GOLPH3: variants seen among roughly 807,000 people sequenced by gnomAD.
GOLPH3 encodes coat protein GPP34.
In GOLPH3, 14 loss-of-function variants were observed where a neutral mutation model predicts 28.5. The observed-to-expected ratio is 0.49, with a 90% confidence interval of 0.32 to 0.77. GOLPH3 has a LOEUF of 0.77. Ranked by LOEUF, GOLPH3 falls within the 30% of genes least tolerant of loss-of-function variation. The pLI is 0.03. For missense variants in GOLPH3, 350 were observed against 393.7 expected (o/e 0.89, Z 0.94); for synonymous variants, 158 against 159.2 (o/e 0.99, Z 0.06).
At chr5:32,173,636 G>T (rs1157077085) in intron 1 of GOLPH3, 174 bp downstream of exon 1, 4 of 408,996 alleles carry the variant, frequency 9.8e-6, no homozygotes, top group Middle Eastern at 6.5e-4. Flanking sequence ...GCGCCAGGGG[G>T]TCAACCAACT....
chr5:32,135,928 C>A (rs1745923067), intron 2 of GOLPH3, among the ~76,000 whole-genome samples: 1 of 151,982 alleles, frequency 6.6e-6, no homozygotes, highest in African/African-American at 2.4e-5. Flanking sequence ...TGCCTGAATC[C>A]CAGGGGGAGG....
At chr5:32,138,951 C>A (rs1255960096) in intron 2 of GOLPH3, among the ~76,000 whole-genome samples, 2 of 152,242 alleles carry the variant, frequency 1.3e-5, no homozygotes, top group Non-Finnish European at 2.9e-5. Flanking sequence ...GCCATTGCCA[C>A]CACTTCTTAC....
chr5:32,148,826 T>C (rs190123572), intron 1 of GOLPH3, among the ~76,000 whole-genome samples: 3 of 151,806 alleles, frequency 2.0e-5, no homozygotes, highest in Non-Finnish European at 4.4e-5. Flanking sequence ...AAATACAAAA[T>C]TACCCAGGCG....
At chr5:32,144,114 A>G (rs944349931) in intron 1 of GOLPH3, among the ~76,000 whole-genome samples, 9 of 152,224 alleles carry the variant, frequency 5.9e-5, no homozygotes, top group Admixed American at 1.3e-4. Flanking sequence ...TTTAGAGGTC[A>G]TAAGTTTAGA....
At chr5:32,170,346 G>A (rs1746803844) in intron 1 of GOLPH3, among the ~76,000 whole-genome samples, 1 of 152,132 alleles carries the variant, frequency 6.6e-6, no homozygotes, top group South Asian at 2.1e-4. Flanking sequence ...CTTGCTCTAG[G>A]TACTGGTTTA....
chr5:32,161,530 G>A (rs750351477), intron 1 of GOLPH3, among the ~76,000 whole-genome samples: 3 of 151,116 alleles, frequency 2.0e-5, no homozygotes, highest in Non-Finnish European at 4.4e-5. Context: ...CTGATTTGGA[G>A]CATCAAGGCG....
At chr5:32,172,302 A>G (rs1489905076) in intron 1 of GOLPH3, among the ~76,000 whole-genome samples, 1 of 152,144 alleles carries the variant, frequency 6.6e-6, no homozygotes, top group East Asian at 1.9e-4. Context: ...GTCCATATAA[A>G]ACTCGCCTAT....
chr5:32,133,243 T>C (rs1174108513), intron 3 of GOLPH3, among the ~76,000 whole-genome samples: 2 of 152,220 alleles, frequency 1.3e-5, no homozygotes, highest in Non-Finnish European at 2.9e-5. Context: ...CCAAGTTCAG[T>C]TAGCATTTAT....
chr5:32,126,568 G>T lies in GOLPH3; in HGVS notation c.541C>A (p.Leu181Met). Residue 181 changes from leucine (L) to methionine (M), a missense_variant, in exon 4 of 4, where the codon CTG becomes ATG. Leu to Met is a conservative substitution (Grantham distance 15). Coordinates refer to ENST00000265070, the MANE Select transcript of GOLPH3 (RefSeq NM_022130.4). ...GTTGTCAATACACCCTTTTCCACCA[G>T]GTTTTTAGCTAATCGTTCCCGTACA... ...RNVRERLAKN[L>M]VEKGVLTTEK... 1 of 1,614,066 alleles carries T rather than the reference G, an allele frequency of 6.2e-7. No individual in the cohort carries two copies. The highest frequency in any genetic ancestry group is 8.5e-7 in the Non-Finnish European group (1 of 1,180,006).
intron 1 of GOLPH3, among the ~76,000 whole-genome samples, chr5:32,156,622 G>T (rs192687121): frequency 1.6e-3 from 248 of 152,352 alleles, no homozygotes; most frequent in African/African-American, 5.4e-3. Context: ...GAGCGGCGGG[G>T]GGGATGGTTT....
intron 2 of GOLPH3, among the ~76,000 whole-genome samples, chr5:32,143,127 G>A (rs1423732371): frequency 6.6e-6 from 1 of 152,228 alleles, no homozygotes; most frequent in East Asian, 1.9e-4. Context: ...TCTGCCTTGG[G>A]ATCCTGTTGA....
Position 32,126,365 on chromosome 5 carries a change from G to A in GOLPH3, c.744C>T (p.Val248=). ...ALIYLAHASD[V]LENAFAPLLD... The stretch of plus-strand genomic sequence containing the variant: ...GAAGAGGAGCAAAAGCATTCTCCAG[G>A]ACGTCCGAGGCATGAGCCAGGTAAA... The change falls in exon 4 of 4, where the codon GTC becomes GTT. Residue 248 remains valine, a synonymous_variant. Coordinates refer to ENST00000265070, the MANE Select transcript of GOLPH3 (RefSeq NM_022130.4). 6.2e-7 allele frequency: 1 copy of A among 1,614,152 alleles called. No individual in the cohort carries two copies. The highest frequency in any genetic ancestry group is 8.5e-7 in the Non-Finnish European group (1 of 1,180,040).
At chr5:32,129,464 C>T (rs907318911) in intron 3 of GOLPH3, among the ~76,000 whole-genome samples, 2 of 152,076 alleles carry the variant, frequency 1.3e-5, no homozygotes, top group Admixed American at 6.6e-5. Context: ...CTGTTAGGTA[C>T]TGAGAATACA....
At chr5:32,135,833 TA>T (rs1745919480) in intron 2 of GOLPH3, 147 bp from the exon 3 acceptor site, 1 of 599,636 alleles carries the variant, frequency 1.7e-6, no homozygotes, top group Non-Finnish European at 2.9e-6. Context: ...GATTTTAAAT[TA>T]CTTTTATGTT....
At chr5:32,144,118 G>C (rs1237080831) in intron 1 of GOLPH3, among the ~76,000 whole-genome samples, 1 of 152,156 alleles carries the variant, frequency 6.6e-6, no homozygotes. Flanking sequence ...GAGGTCATAA[G>C]TTTAGAAACA....
intron 1 of GOLPH3, among the ~76,000 whole-genome samples, chr5:32,155,374 TG>T (rs1324525226): frequency 6.6e-6 from 1 of 152,100 alleles, no homozygotes; most frequent in African/African-American, 2.4e-5. Context: ...TTTTTAGCAA[TG>T]GGATCTCACT....
rs11352127 is a variant in GOLPH3 at position 32,140,665 on chromosome 5, G to GA, written c.357+3083dup. Among the ~76,000 whole-genome samples, 915 of 116,970 alleles carry GA rather than the reference G, an allele frequency of 7.8e-3. 3 individuals are homozygous for GA. The highest frequency in any genetic ancestry group is 0.011 in the Non-Finnish European group (601 of 53,622). 76.7% of individuals were successfully genotyped at this position (116,970 alleles called of 152,430 possible). A position where few individuals can be genotyped will look rare whatever the true frequency, so the allele number is the denominator to read the frequency against. On this transcript the variant is annotated intron_variant, in intron 2 of 3. Coordinates refer to ENST00000265070, the MANE Select transcript of GOLPH3 (RefSeq NM_022130.4). ...GGTGATAGAGTGACACTCAGTCTCAGAAAAAAAAAAAAAAAATTAGCCAGA... is the reference window on the plus strand; with the variant it reads ...GGTGATAGAGTGACACTCAGTCTCAGAAAAAAAAAAAAAAAAATTAGCCAGA...
intron 2 of GOLPH3, among the ~76,000 whole-genome samples, chr5:32,138,304 C>T (rs1219006520): frequency 3.9e-5 from 6 of 152,172 alleles, no homozygotes; most frequent in African/African-American, 1.4e-4. Flanking sequence ...TATATACATA[C>T]AGTATCTATC....
intron 1 of GOLPH3, among the ~76,000 whole-genome samples, chr5:32,151,569 A>T (rs192963838): frequency 1.2e-4 from 19 of 152,344 alleles, no homozygotes; most frequent in African/African-American, 4.3e-4. Context: ...TGAAGTTCAC[A>T]GAAGAAATGG....
Sources: allele counts gnomAD v4.1 joint callset (sites outside exome capture counted in the v4.1 genomes callset), GRCh38; gene constraint gnomAD v4.1.1; transcripts MANE v1.5; gene names NCBI Gene and HGNC (gene_info 2026-07-23, HGNC 2026-07-21).